Variants in RIGI observed in about 807,000 individuals in gnomAD.
The protein encoded by RIGI is antiviral innate immune response receptor RIG-I.
At chr9:32,493,613 A>C in the RIGI span, 1 of 540,058 alleles carries the variant, frequency 1.9e-6, no homozygotes, top group South Asian at 3.3e-5. Flanking sequence ...ACAGAGCGAG[A>C]CTCCGTCTCA....
At chr9:32,485,146 G>A in the RIGI span, 2 of 1,507,996 alleles carry the variant, frequency 1.3e-6, no homozygotes, top group Admixed American at 3.9e-5. Context: ...CCCCAGTAGA[G>A]AGAACACAAA....
At chr9:32,478,041 G>GT in the RIGI span, among the ~76,000 whole-genome samples, 3,034 of 151,184 alleles carry the variant, frequency 0.02, 132 homozygotes, top group African/African-American at 0.072. Context: ...TGTTTTATCG[G>GT]TTTTTGTTTT....
the RIGI span, among the ~76,000 whole-genome samples, chr9:32,502,833 G>A: frequency 2.9e-4 from 44 of 152,226 alleles, no homozygotes; most frequent in Admixed American, 2.5e-3. Context: ...CAGCATTCTC[G>A]TTGTCTCTAT....
chr9:32,478,147 G>A, the RIGI span, among the ~76,000 whole-genome samples: 3 of 151,820 alleles, frequency 2.0e-5, no homozygotes, highest in Non-Finnish European at 4.4e-5. Flanking sequence ...GAGTTCAAGC[G>A]ATTCTTCTGC....
At chr9:32,517,310 G>A in the RIGI span, among the ~76,000 whole-genome samples, 3 of 152,196 alleles carry the variant, frequency 2.0e-5, no homozygotes, top group East Asian at 5.8e-4. Context: ...TTGTAGATTC[G>A]TGAGTTTGTA....
At chr9:32,469,734 G>A in the RIGI span, among the ~76,000 whole-genome samples, 1 of 152,330 alleles carries the variant, frequency 6.6e-6, no homozygotes, top group Non-Finnish European at 1.5e-5. Flanking sequence ...ACAGTGTGAA[G>A]TTTGGATGTG....
chr9:32,499,060 T>C, the RIGI span, among the ~76,000 whole-genome samples: 1 of 152,018 alleles, frequency 6.6e-6, no homozygotes, highest in East Asian at 1.9e-4. Context: ...TCAGTTTTGC[T>C]ATTCAGTAGT....
chr9:32,488,371 T>A, the RIGI span, among the ~76,000 whole-genome samples: 1 of 152,180 alleles, frequency 6.6e-6, no homozygotes, highest in African/African-American at 2.4e-5. Flanking sequence ...AAGAGATCAA[T>A]AAATCCAAGC....
chr9:32,464,623 C>T, the RIGI span, among the ~76,000 whole-genome samples: 1 of 152,074 alleles, frequency 6.6e-6, no homozygotes, highest in Non-Finnish European at 1.5e-5. Flanking sequence ...GTGATCCACC[C>T]GCCTCGGCCT....
chr9:32,487,425 T>C, the RIGI span: 2 of 1,586,246 alleles, frequency 1.3e-6, no homozygotes, highest in East Asian at 2.2e-5. Flanking sequence ...CTAGAGGTAG[T>C]AGAGAGTAAC....
At chr9:32,500,224 A>C in the RIGI span, among the ~76,000 whole-genome samples, 5 of 152,226 alleles carry the variant, frequency 3.3e-5, no homozygotes, top group African/African-American at 1.2e-4. Flanking sequence ...TAATTCTTCC[A>C]TATACATTGT....
At chr9:32,515,793 GT>G in the RIGI span, among the ~76,000 whole-genome samples, 2 of 152,200 alleles carry the variant, frequency 1.3e-5, no homozygotes, top group South Asian at 4.1e-4. Context: ...CGTTTTTTTA[GT>G]TCTGACAGAC....
the RIGI span, chr9:32,500,918 G>T: frequency 6.2e-7 from 1 of 1,613,928 alleles, no homozygotes; most frequent in African/African-American, 1.3e-5. Flanking sequence ...GTTTTTCTCA[G>T]CCTGAATATA....
At chr9:32,464,404 T>C in the RIGI span, among the ~76,000 whole-genome samples, 1 of 152,152 alleles carries the variant, frequency 6.6e-6, no homozygotes, top group Non-Finnish European at 1.5e-5. Flanking sequence ...TTGTTTGTTT[T>C]TTTGAGACGG....
chr9:32,516,147 C>G, the RIGI span, among the ~76,000 whole-genome samples: 1 of 152,186 alleles, frequency 6.6e-6, no homozygotes, highest in Non-Finnish European at 1.5e-5. Context: ...CTGAAATTCA[C>G]CAGATTATCA....
the RIGI span, among the ~76,000 whole-genome samples, chr9:32,521,407 G>C: frequency 6.6e-6 from 1 of 152,060 alleles, no homozygotes; most frequent in Admixed American, 6.6e-5. Context: ...AGGCCTTATT[G>C]TTGGGAAACT....
chr9:32,460,083 A>G, the RIGI span, among the ~76,000 whole-genome samples: 1 of 152,156 alleles, frequency 6.6e-6, no homozygotes, highest in Admixed American at 6.5e-5. Context: ...TATGATAGTG[A>G]TTGTGTCTCA....
chr9:32,488,692 T>A, the RIGI span: 1 of 1,482,036 alleles, frequency 6.7e-7, no homozygotes, highest in Non-Finnish European at 9.0e-7. Flanking sequence ...ATCAATTACA[T>A]GAAGCTGGAG....
the RIGI span, among the ~76,000 whole-genome samples, chr9:32,465,526 T>C: frequency 6.6e-6 from 1 of 152,232 alleles, no homozygotes; most frequent in Non-Finnish European, 1.5e-5. Context: ...AGAGATGCAA[T>C]GCATACATCT....
Sources: gnomAD v4.1 joint callset for allele counts (sites outside exome capture counted in the v4.1 genomes callset) on GRCh38, gnomAD v4.1.1 for gene constraint, MANE v1.5 for transcripts, NCBI Gene and HGNC (gene_info 2026-07-23, HGNC 2026-07-21) for gene names.